ADGRL4: variants seen among roughly 807,000 people sequenced by gnomAD.
ADGRL4 encodes the protein adhesion G protein-coupled receptor L4.
A neutral mutation model predicts 74.8 loss-of-function variants in ADGRL4; 90 were observed. That is an observed-to-expected ratio of 1.20 (90% CI 1.02 to 1.43). The LOEUF is 1.43. Ranked by LOEUF, ADGRL4 falls within the 40% of genes most tolerant of loss-of-function variation. ADGRL4 has a pLI of 0.00. For synonymous variants in ADGRL4, 311 were observed against 279.2 expected (o/e 1.11, Z -1.14); for missense variants, 881 against 814.3 (o/e 1.08, Z -1.00).
intron 2 of ADGRL4, among the ~76,000 whole-genome samples, chr1:78,993,136 T>C (rs767456077): frequency 3.9e-5 from 6 of 152,110 alleles, no homozygotes; most frequent in Non-Finnish European, 8.8e-5. Flanking sequence ...TTTGAGGATG[T>C]ACACAATATT....
At chr1:78,933,685 C>A (rs1330894860) in intron 7 of ADGRL4, among the ~76,000 whole-genome samples, 2 of 151,370 alleles carry the variant, frequency 1.3e-5, no homozygotes, top group Non-Finnish European at 2.9e-5. Context: ...AAAACCCCAT[C>A]ATCTCAGGCT....
chr1:78,939,192 G>A lies in ADGRL4; in HGVS notation c.392C>T (p.Thr131Ile), dbSNP rs752594491. Residue 131 changes from threonine to isoleucine, a missense_variant, in exon 4 of 15, where the codon ACA becomes ATA. By Grantham distance (89) the Thr-to-Ile change is moderately conservative. Coordinates refer to ENST00000370742, the MANE Select transcript of ADGRL4 (RefSeq NM_022159.4). ...ATTGTTAACTGTTCTACTTACTTTT[G>A]TTAAAGTTTTATTAATATTTGCAGC... ...CIAANINKTL[T>I]KIRSIKEPVA... 1 of 1,559,018 alleles carries A rather than the reference G, an allele frequency of 6.4e-7. No homozygotes were observed. The highest frequency in any genetic ancestry group is 8.6e-7 in the Non-Finnish European group (1 of 1,157,288).
intron 8 of ADGRL4, among the ~76,000 whole-genome samples, chr1:78,925,041 CTT>C (rs1649083634): frequency 6.6e-6 from 1 of 152,004 alleles, no homozygotes; most frequent in Non-Finnish European, 1.5e-5. Flanking sequence ...AGACTTGAGT[CTT>C]TTTATTAGCT....
intron 2 of ADGRL4, among the ~76,000 whole-genome samples, chr1:78,991,643 T>A (rs1368778158): frequency 6.6e-6 from 1 of 151,954 alleles, no homozygotes; most frequent in Admixed American, 6.6e-5. Flanking sequence ...TGTGAAAATA[T>A]AATATAGTAT....
intron 12 of ADGRL4, among the ~76,000 whole-genome samples, chr1:78,899,429 A>G (rs374563482): frequency 6.6e-6 from 1 of 152,128 alleles, no homozygotes; most frequent in Non-Finnish European, 1.5e-5. Flanking sequence ...ATCATAGTCC[A>G]CTGCAACCTC....
Position 78,927,110 on chromosome 1 carries a change from T to C in ADGRL4, c.878-19A>G. The C allele has an allele frequency of 6.8e-7, 1 of 1,471,530 alleles. No homozygotes were observed. The highest frequency in any genetic ancestry group is 9.4e-7 in the Non-Finnish European group (1 of 1,059,200). 91.2% of individuals were successfully genotyped at this position (1,471,530 alleles called of 1,614,324 possible). A position where few individuals can be genotyped will look rare whatever the true frequency, so the allele number is the denominator to read the frequency against. ...ACATTGCCTATCAATCAAATAAGTATATTTAGTGAAATTCTTATAAAACAA... is the reference window on the plus strand; with the variant it reads ...ACATTGCCTATCAATCAAATAAGTACATTTAGTGAAATTCTTATAAAACAA... On this transcript the variant is annotated intron_variant, in intron 7 of 14. Transcript: ENST00000370742.
chr1:78,984,622 G>A (rs778524940), intron 2 of ADGRL4, among the ~76,000 whole-genome samples: 2 of 151,406 alleles, frequency 1.3e-5, no homozygotes, highest in Non-Finnish European at 3.0e-5. Context: ...AAGTGTAGGA[G>A]GAACAGTAAG....
rs1648917709 is a variant in ADGRL4 at position 78,918,118 on chromosome 1, TCTA to T, written c.1462-71_1462-69del. 26 of 1,300,604 alleles carry T rather than the reference TCTA, an allele frequency of 2.0e-5. 1 individual carries two copies. Among genetic ancestry groups the T allele is most frequent in the Non-Finnish European group, 2.6e-5 (24 of 924,388 alleles). 80.6% of individuals were successfully genotyped at this position (1,300,604 alleles called of 1,614,324 possible). On this transcript the variant is annotated intron_variant, in intron 10 of 14. Transcript: ENST00000370742. ...TTTAAAATTATCATAACATACAATC[TCTA>T]CTTTCGCTGTAAATCACAACTTTCT...
At chr1:78,969,707 G>GT (rs3063120) in intron 2 of ADGRL4, among the ~76,000 whole-genome samples, 2,049 of 143,970 alleles carry the variant, frequency 0.014, 22 homozygotes, top group South Asian at 0.037. Flanking sequence ...TGATTTGTGG[G>GT]TTTTTTTTTT....
At chr1:78,947,478 T>C (rs918213178) in intron 2 of ADGRL4, among the ~76,000 whole-genome samples, 4 of 152,202 alleles carry the variant, frequency 2.6e-5, no homozygotes, top group African/African-American at 7.2e-5. Context: ...GATTCTTCCC[T>C]AGACGTTTTC....
chr1:78,960,193 A>T (rs1315959391), intron 2 of ADGRL4, among the ~76,000 whole-genome samples: 2 of 152,328 alleles, frequency 1.3e-5, no homozygotes, highest in East Asian at 1.9e-4. Context: ...TTACAGAAAT[A>T]AAAATGTGGC....
chr1:78,971,898 G>C (rs1650177005), intron 2 of ADGRL4, among the ~76,000 whole-genome samples: 1 of 152,100 alleles, frequency 6.6e-6, no homozygotes, highest in South Asian at 2.1e-4. Context: ...TGGGATTACA[G>C]GCATGTGCCA....
chr1:78,937,817 T>C lies in ADGRL4; in HGVS notation c.750A>G (p.Ser250=). The stretch of plus-strand genomic sequence containing the variant: ...ACCCTTGTTTCTTACCTATATCCGT[T>C]GAATTTGTATCAAACTCTGTGGTCT... ...FQKTTEFDTN[S]TDIALKVFFF... The change falls in exon 6 of 15, where the codon TCA becomes TCG. Residue 250 remains serine (S), a synonymous_variant. Transcript: ENST00000370742. 2 of 1,606,466 alleles carry C rather than the reference T, an allele frequency of 1.2e-6. No individual in the cohort carries two copies. Among genetic ancestry groups the C allele is most frequent in the African/African-American group, 1.3e-5 (1 of 74,570 alleles).
At chr1:78,901,877 T>A (rs1169136788) in intron 12 of ADGRL4, among the ~76,000 whole-genome samples, 1 of 152,126 alleles carries the variant, frequency 6.6e-6, no homozygotes, top group Admixed American at 6.6e-5. Context: ...CTAAAAGATA[T>A]TTCTCTGCTG....
At chr1:78,958,792 G>T (rs1410532508) in intron 2 of ADGRL4, among the ~76,000 whole-genome samples, 1 of 152,162 alleles carries the variant, frequency 6.6e-6, no homozygotes, top group Admixed American at 6.5e-5. Flanking sequence ...ATATTCCATG[G>T]GTAAAGTGCT....
At chr1:79,000,674 T>C (rs1001506936) in intron 2 of ADGRL4, among the ~76,000 whole-genome samples, 1 of 152,098 alleles carries the variant, frequency 6.6e-6, no homozygotes, top group Non-Finnish European at 1.5e-5. Flanking sequence ...GTCATATTTC[T>C]AGTACAAAGA....
chr1:78,996,840 G>A (rs1650726991), intron 2 of ADGRL4, among the ~76,000 whole-genome samples: 1 of 152,058 alleles, frequency 6.6e-6, no homozygotes, highest in African/African-American at 2.4e-5. Flanking sequence ...AAATACTTTA[G>A]GTTTGTTTCA....
intron 2 of ADGRL4, among the ~76,000 whole-genome samples, chr1:78,998,454 C>G (rs1225171270): frequency 7.0e-6 from 1 of 143,638 alleles, no homozygotes; most frequent in Non-Finnish European, 1.5e-5. Flanking sequence ...ACTGCAACCT[C>G]TGCCTCCTGG....
intron 2 of ADGRL4, among the ~76,000 whole-genome samples, chr1:78,958,301 T>C (rs113815229): frequency 0.031 from 4,717 of 152,226 alleles, 90 homozygotes; most frequent in South Asian, 0.053. Context: ...AATACACTTT[T>C]ATAAGGTTGT....
Sources: gnomAD v4.1 joint callset for allele counts (sites outside exome capture counted in the v4.1 genomes callset) on GRCh38, gnomAD v4.1.1 for gene constraint, MANE v1.5 for transcripts, NCBI Gene and HGNC (gene_info 2026-07-23, HGNC 2026-07-21) for gene names.